LRRC4C: variants seen among roughly 807,000 people sequenced by gnomAD.
LRRC4C encodes the protein leucine-rich repeat-containing protein 4C.
Under a neutral mutation model 33.6 loss-of-function variants are expected in LRRC4C, and 5 were observed. The observed-to-expected ratio is 0.15, with a 90% CI of 0.08 to 0.31. The LOEUF is 0.31. Among genes scored for constraint, LRRC4C ranks in the 10% least tolerant of loss-of-function variants. The pLI is 1.00. For missense variants in LRRC4C, 560 were observed against 796.7 expected, an observed-to-expected ratio of 0.70 and a Z score of 3.58; for synonymous variants, 329 against 302.0, an observed-to-expected ratio of 1.09 and a Z score of -0.93.
At chr11:40,741,536 G>A (rs1948157033) in intron 2 of LRRC4C, among the ~76,000 whole-genome samples, 1 of 151,732 alleles carries the variant, frequency 6.6e-6, no homozygotes, top group Admixed American at 6.6e-5. Flanking sequence ...CATTTCTGAT[G>A]GTACAGTAGA....
intron 1 of LRRC4C, among the ~76,000 whole-genome samples, chr11:41,282,263 T>C (rs966283728): frequency 6.6e-6 from 1 of 152,224 alleles, no homozygotes; most frequent in African/African-American, 2.4e-5. Flanking sequence ...AGAGTTATTT[T>C]GAGGTGCAAG....
chr11:41,313,099 T>C (rs1157395385), intron 1 of LRRC4C, among the ~76,000 whole-genome samples: 1 of 152,204 alleles, frequency 6.6e-6, no homozygotes, highest in African/African-American at 2.4e-5. Flanking sequence ...GTTGAGGGTA[T>C]GTTTGATACA....
At position 40,595,909 on chromosome 11, in the gene LRRC4C, G is replaced by A. The variant is rs940063693; in HGVS notation, c.-270+52233C>T. 4.6e-5 allele frequency among the ~76,000 whole-genome samples: 7 copies of A among 152,108 alleles called. No individual in the cohort carries two copies. The East Asian group carries it at 5.8e-4, about 13-fold the overall frequency. The stretch of plus-strand genomic sequence containing the variant: ...TAGCTGGGGGAAAGAAGTCTATAGC[G>A]ACGGGGTAGTACTTGAAAAACTAAG... On this transcript the variant is annotated intron_variant, in intron 3 of 6. Transcript: ENST00000528697.
At chr11:40,949,471 G>A (rs1958587620) in intron 1 of LRRC4C, among the ~76,000 whole-genome samples, 1 of 151,994 alleles carries the variant, frequency 6.6e-6, no homozygotes, top group Non-Finnish European at 1.5e-5. Context: ...AGAGAGAAAG[G>A]TCAGGTTACC....
chr11:40,448,392 C>A (rs1418353656), intron 3 of LRRC4C, among the ~76,000 whole-genome samples: 3 of 151,972 alleles, frequency 2.0e-5, no homozygotes, highest in Non-Finnish European at 4.4e-5. Flanking sequence ...CTAATGCTAC[C>A]CTCCCCTAGC....
intron 1 of LRRC4C, among the ~76,000 whole-genome samples, chr11:41,077,595 C>G (rs1369770839): frequency 6.6e-6 from 1 of 152,088 alleles, no homozygotes. Flanking sequence ...AGTGGCAGGG[C>G]CCTGGGCCCA....
At chr11:41,267,847 C>A (rs1949200341) in intron 1 of LRRC4C, among the ~76,000 whole-genome samples, 1 of 151,986 alleles carries the variant, frequency 6.6e-6, no homozygotes, top group Non-Finnish European at 1.5e-5. Flanking sequence ...TAATGTAATG[C>A]CTGAAATGTA....
At chr11:41,154,721 T>C (rs1171682226) in intron 1 of LRRC4C, among the ~76,000 whole-genome samples, 1 of 152,168 alleles carries the variant, frequency 6.6e-6, no homozygotes, top group African/African-American at 2.4e-5. Flanking sequence ...AAGACAGCCA[T>C]TATCATCCTA....
intron 3 of LRRC4C, among the ~76,000 whole-genome samples, chr11:40,577,837 T>C (rs913371450): frequency 2.2e-3 from 158 of 71,998 alleles, no homozygotes; most frequent in African/African-American, 5.3e-3. Flanking sequence ...TTTTTCTTTT[T>C]TTTTTTTTTT....
intron 2 of LRRC4C, among the ~76,000 whole-genome samples, chr11:40,905,093 T>C (rs1223373381): frequency 1.3e-5 from 2 of 152,022 alleles, no homozygotes; most frequent in African/African-American, 4.8e-5. Context: ...CAGGAGTGTA[T>C]ATATAGACAT....
At chr11:40,363,906 G>A (rs1474118233) in intron 3 of LRRC4C, among the ~76,000 whole-genome samples, 2 of 152,116 alleles carry the variant, frequency 1.3e-5, no homozygotes, top group African/African-American at 2.4e-5. Flanking sequence ...CCTATGACTT[G>A]CCATTGCTGT....
chr11:40,439,860 A>G (rs1951313681), intron 3 of LRRC4C, among the ~76,000 whole-genome samples: 1 of 152,232 alleles, frequency 6.6e-6, no homozygotes, highest in Non-Finnish European at 1.5e-5. Context: ...ACAACTAGTC[A>G]TGTGGGAAAG....
intron 1 of LRRC4C, among the ~76,000 whole-genome samples, chr11:40,952,896 ACTCTCTCT>A (rs35019678): frequency 0.011 from 805 of 70,172 alleles, 12 homozygotes; most frequent in African/African-American, 0.036. Flanking sequence ...ACACACACAC[ACTCTCTCT>A]CTCTCTCTCT....
intron 3 of LRRC4C, among the ~76,000 whole-genome samples, chr11:40,349,731 T>C (rs1034498196): frequency 6.6e-6 from 1 of 152,186 alleles, no homozygotes; most frequent in Admixed American, 6.5e-5. Flanking sequence ...CTTGCCAGCA[T>C]TTGTTATTGC....
chr11:41,392,923 G>A (rs1953661802), intron 1 of LRRC4C, among the ~76,000 whole-genome samples: 1 of 151,762 alleles, frequency 6.6e-6, no homozygotes. Context: ...AATAAATTTA[G>A]GGCAGTCCTA....
chr11:41,271,046 C>T (rs1949303610), intron 1 of LRRC4C, among the ~76,000 whole-genome samples: 1 of 152,008 alleles, frequency 6.6e-6, no homozygotes. Context: ...AGATCCTTAA[C>T]TTAATTACAT....
At chr11:40,728,476 G>C (rs1947396521) in intron 2 of LRRC4C, among the ~76,000 whole-genome samples, 2 of 150,904 alleles carry the variant, frequency 1.3e-5, no homozygotes, top group South Asian at 4.2e-4. Context: ...AAAACAAAAA[G>C]TTAGCTGGGT....
At chr11:41,376,332 C>G (rs1048840684) in intron 1 of LRRC4C, among the ~76,000 whole-genome samples, 5 of 152,104 alleles carry the variant, frequency 3.3e-5, no homozygotes, top group African/African-American at 1.2e-4. Flanking sequence ...ACTAGCAAGT[C>G]TGAGATGCCT....
At chr11:41,317,057 T>C (rs1366224205) in intron 1 of LRRC4C, among the ~76,000 whole-genome samples, 3 of 152,206 alleles carry the variant, frequency 2.0e-5, no homozygotes, top group African/African-American at 7.2e-5. Context: ...ACAGTCATCT[T>C]GATCTCAGAA....
Sources: gnomAD v4.1 joint callset for allele counts (sites outside exome capture counted in the v4.1 genomes callset) on GRCh38, gnomAD v4.1.1 for gene constraint, MANE v1.5 for transcripts, NCBI Gene and HGNC (gene_info 2026-07-23, HGNC 2026-07-21) for gene names.